LYSMD2: variants seen among roughly 807,000 people sequenced by gnomAD.
The protein encoded by LYSMD2 is lysM and putative peptidoglycan-binding domain-containing protein 2.
LYSMD2 carries 6 observed loss-of-function variants against 17.7 expected under a neutral mutation model. The observed-to-expected ratio is 0.34, with a 90% CI of 0.19 to 0.67. The LOEUF is 0.67. Ranked by LOEUF, LYSMD2 falls within the 30% of genes least tolerant of loss-of-function variation. The probability of loss-of-function intolerance (pLI) is 0.69; values close to 1 mark genes in which losing one functional copy is unlikely to be tolerated. For missense variants in LYSMD2, 237 were observed against 286.7 expected (o/e 0.83, Z 1.25); for synonymous variants, 102 against 129.8 (o/e 0.79, Z 1.45).
rs959172278 is a variant in LYSMD2, at chr15:51,746,962, T to G, written c.-1+4309A>C. 8.0e-5 allele frequency among the ~76,000 whole-genome samples: 12 copies of G among 149,188 alleles called. No homozygotes were observed. In the East Asian group the frequency reaches 2.4e-3, roughly 29 times the overall value. On this transcript the variant is annotated intron_variant, in intron 1 of 2. Coordinates refer to the LYSMD2 transcript ENST00000454181. ...CGAGAAGCCAAGGCAGGCAGATCAC[T>G]TGAGGTCAGGTGTTCGTGACCAGCC...
chr15:51,737,651 A>G lies in LYSMD2; in HGVS notation c.-29T>C. On this transcript the variant is annotated 5_prime_UTR_variant, in exon 1 of 3. Transcript: ENST00000267838. This position sits in a 1 kb window ranked among gnomAD's most constrained non-coding sequence, Gnocchi z 4.2. ...TCCTGCCGAGGCCGCCGGGTCGGGG[A>G]GCTTGCCAAGGGGGCGGCGCCTCCT... The G allele has an allele frequency of 2.5e-6, 3 of 1,202,538 alleles. No homozygotes were observed. Among genetic ancestry groups the G allele is most frequent in the Non-Finnish European group, 1.0e-6 (1 of 969,288 alleles). 74.5% of individuals were successfully genotyped at this position (1,202,538 alleles called of 1,614,324 possible).
In LYSMD2 at chr15:51,725,098, A is replaced by T. The variant is rs760976390; in HGVS notation, c.297T>A (p.Asn99Lys). 2 of 1,606,630 alleles carry T rather than the reference A, an allele frequency of 1.2e-6. No homozygotes were observed. Residue 99 changes from asparagine to lysine, a missense_variant, in exon 2 of 3, where the codon AAT (asparagine) becomes AAA (lysine). Asn to Lys is a moderately conservative substitution (Grantham distance 94, BLOSUM62 0). Coordinates refer to ENST00000267838, the MANE Select transcript of LYSMD2 (RefSeq NM_153374.3). Reference protein sequence around the residue: ...GVTMEQIKRANKLFTNDCIFL... With the variant: ...GVTMEQIKRAKKLFTNDCIFL... The stretch of plus-strand genomic sequence containing the variant: ...ATATACAATCATTGGTAAACAGTTT[A>T]TTGGCCCTTTTAATCTGTTCCATCT...
intron 1 of LYSMD2, among the ~76,000 whole-genome samples, chr15:51,731,449 C>T (rs1004398792): frequency 1.3e-5 from 2 of 152,154 alleles, no homozygotes; most frequent in Admixed American, 1.3e-4. Flanking sequence ...AATGTTTATT[C>T]CCCCAAAAAT....
rs148429051 is a variant in LYSMD2 at position 51,749,706 on chromosome 15, C to T, written c.-1+1565G>A. 1.6e-3 allele frequency among the ~76,000 whole-genome samples: 239 copies of T among 152,324 alleles called. 1 individual carries two copies. The highest frequency in any genetic ancestry group is 5.6e-3 in the African/African-American group (232 of 41,560). The stretch of plus-strand genomic sequence containing the variant: ...CAGCTTTCTCTGGGAAAACTGCTGG[C>T]TCGATCCGTAAGCAGCCCTGTTCTT... On this transcript the variant is annotated intron_variant, in intron 1 of 2. Coordinates refer to the LYSMD2 transcript ENST00000454181.
intron 1 of LYSMD2, among the ~76,000 whole-genome samples, chr15:51,745,994 T>G (rs3898905): frequency 1.3e-5 from 2 of 151,988 alleles, no homozygotes; most frequent in Admixed American, 6.6e-5. Context: ...TTTTCACCCA[T>G]TGCTGGTTAG....
intron 1 of LYSMD2, among the ~76,000 whole-genome samples, chr15:51,745,983 AT>A (rs1461368700): frequency 6.6e-6 from 1 of 152,222 alleles, no homozygotes; most frequent in African/African-American, 2.4e-5. Flanking sequence ...AGAAATTGGA[AT>A]TTTCACCCAT....
chr15:51,729,302 G>C (rs143756235), intron 1 of LYSMD2, among the ~76,000 whole-genome samples: 80 of 152,364 alleles, frequency 5.3e-4, no homozygotes, highest in African/African-American at 1.7e-3. Context: ...TGAAGGCAGG[G>C]AGTGACATGA....
chr15:51,744,759 T>C (rs1009704675), intron 1 of LYSMD2, among the ~76,000 whole-genome samples: 1 of 152,098 alleles, frequency 6.6e-6, no homozygotes, highest in Non-Finnish European at 1.5e-5. Flanking sequence ...ATTCACCAGC[T>C]AAACCATCTG....
exon 1 of LYSMD2, chr15:51,751,308 C>T (rs548626470): frequency 1.3e-5 from 9 of 702,700 alleles, no homozygotes; most frequent in Middle Eastern, 4.6e-4. Context: ...TGTCAGGATG[C>T]TCGCTCACAG....
At chr15:51,750,635 T>G (rs7166110) in intron 1 of LYSMD2, among the ~76,000 whole-genome samples, 73,093 of 152,016 alleles carry the variant, frequency 0.48, 17,850 homozygotes, top group Admixed American at 0.54. Context: ...AGGAGAGAGA[T>G]ATCACATCTA....
chr15:51,735,645 T>C (rs1430233264), intron 1 of LYSMD2, among the ~76,000 whole-genome samples: 2 of 152,254 alleles, frequency 1.3e-5, no homozygotes, highest in Non-Finnish European at 2.9e-5. Context: ...ATCTACACTT[T>C]AATTTTAAAA....
rs1301178449 is a variant in LYSMD2, at chr15:51,729,482, G to C, written c.274-4361C>G. Among the ~76,000 whole-genome samples the C allele has an allele frequency of 2.0e-5, 3 of 152,308 alleles. No homozygotes were observed. In the East Asian group the frequency reaches 5.8e-4, roughly 29 times the overall value. ...TATTTATTTTTATTGTTTTTGAGAT[G>C]CAGTCTCGCTCTGTCACCCAGACTG... is the stretch of plus-strand genomic sequence containing the variant. On this transcript the variant is annotated intron_variant, in intron 1 of 2. Transcript: ENST00000267838.
At chr15:51,744,754 C>T (rs2055658961) in intron 1 of LYSMD2, among the ~76,000 whole-genome samples, 1 of 152,014 alleles carries the variant, frequency 6.6e-6, no homozygotes, top group Admixed American at 6.6e-5. Context: ...GTAGAATTCA[C>T]CAGCTAAACC....
rs543168596 is a variant in LYSMD2, at chr15:51,736,321, A to G, written c.273+1029T>C. ...CTATGTTCACATGTATAGAACTCCC[A>G]AGAGGGCAGAATGGGGCTCTCCATG... On this transcript the variant is annotated intron_variant, in intron 1 of 2. Coordinates refer to ENST00000267838, the MANE Select transcript of LYSMD2 (RefSeq NM_153374.3). Among the ~76,000 whole-genome samples, 171 of 152,320 alleles carry G rather than the reference A, an allele frequency of 1.1e-3. 2 individuals carry two copies. Among genetic ancestry groups the G allele is most frequent in the African/African-American group, 3.9e-3 (164 of 41,566 alleles).
intron 1 of LYSMD2, among the ~76,000 whole-genome samples, chr15:51,736,035 T>C (rs934482295): frequency 6.6e-6 from 1 of 152,238 alleles, no homozygotes; most frequent in African/African-American, 2.4e-5. Flanking sequence ...TCACTGTTAA[T>C]TCAAGCTGGT....
chr15:51,748,557 A>G (rs1452555563), intron 1 of LYSMD2, among the ~76,000 whole-genome samples: 2 of 152,228 alleles, frequency 1.3e-5, no homozygotes, highest in Non-Finnish European at 2.9e-5. Flanking sequence ...ACTCCATCTC[A>G]AATTGACTCA....
At chr15:51,744,824 CA>C (rs2055659253) in intron 1 of LYSMD2, among the ~76,000 whole-genome samples, 1 of 151,704 alleles carries the variant, frequency 6.6e-6, no homozygotes, top group South Asian at 2.1e-4. Flanking sequence ...TCAACAAATC[CA>C]AAAGTGTATT....
intron 1 of LYSMD2, among the ~76,000 whole-genome samples, chr15:51,747,437 G>C (rs1346837537): frequency 1.3e-5 from 2 of 152,100 alleles, no homozygotes; most frequent in East Asian, 3.8e-4. Flanking sequence ...GCTGTGGTGA[G>C]CCGAGATCAC....
intron 1 of LYSMD2, among the ~76,000 whole-genome samples, chr15:51,731,122 C>T (rs899963656): frequency 3.9e-5 from 6 of 152,092 alleles, no homozygotes; most frequent in Admixed American, 3.3e-4. Flanking sequence ...GGGATCTTTT[C>T]GGGGTGATGA....
Sources: gnomAD v4.1 joint callset for allele counts (sites outside exome capture counted in the v4.1 genomes callset) on GRCh38, gnomAD v4.1.1 for gene constraint, Gnocchi (gnomAD v3.1) non-coding constraint, MANE v1.5 for transcripts, NCBI Gene and HGNC (gene_info 2026-07-23, HGNC 2026-07-21) for gene names.